COL23A1: variants seen among roughly 807,000 people sequenced by gnomAD.
The protein encoded by COL23A1 is collagen alpha-1(XXIII) chain.
COL23A1 carries 97 observed loss-of-function variants against 99.3 expected under a neutral mutation model. That is an observed-to-expected ratio of 0.98 (90% CI 0.83 to 1.16). The LOEUF is 1.16. Ranked by LOEUF, COL23A1 falls within the 50% of genes most tolerant of loss-of-function variation. The pLI is 0.00. For synonymous variants in COL23A1, 320 were observed against 308.2 expected, an observed-to-expected ratio of 1.04 and a Z score of -0.40; for missense variants, 762 against 757.4, an observed-to-expected ratio of 1.01 and a Z score of -0.07.
intron 12 of COL23A1, 71 bp downstream of exon 12, chr5:178,259,650 C>A (rs540290574): frequency 1.5e-6 from 2 of 1,332,448 alleles, no homozygotes; most frequent in African/African-American, 1.5e-5. Context: ...CCCATTCCGT[C>A]CCAGCCCCTG....
chr5:178,345,928 G>C (rs1760944909), intron 2 of COL23A1, among the ~76,000 whole-genome samples: 1 of 152,110 alleles, frequency 6.6e-6, no homozygotes, highest in Admixed American at 6.5e-5. Flanking sequence ...GACACTGCAA[G>C]TTCACACCCT....
chr5:178,502,007 T>C (rs1758562683), intron 2 of COL23A1, among the ~76,000 whole-genome samples: 1 of 152,212 alleles, frequency 6.6e-6, no homozygotes, highest in Non-Finnish European at 1.5e-5. Flanking sequence ...ACCGACAATC[T>C]GATAGGGAAT....
In COL23A1 at chr5:178,325,995, G is replaced by A. The variant is rs537365768; in HGVS notation, c.362-19076C>T. ...GCCAGGGCTGTTGGAAACCACTTGA[G>A]TGGATCTAGCCCTAGTAAACGGCTC... On this transcript the variant is annotated intron_variant, in intron 2 of 28. Transcript: ENST00000390654. Among the ~76,000 whole-genome samples the A allele has an allele frequency of 4.6e-5, 7 of 152,338 alleles. No homozygotes were observed. In the East Asian group the frequency reaches 9.7e-4, roughly 21 times the overall value.
chr5:178,393,652 C>CTTT lies in COL23A1; in HGVS notation c.362-86736_362-86734dup, dbSNP rs36102461. ...AATCAAGACTCTCTTCCCTCTTTTC[C>CTTT]TTTTTTTTTTTTTTCCAGACAGGGT... is the stretch of plus-strand genomic sequence containing the variant. On this transcript the variant is annotated intron_variant, in intron 2 of 28. Coordinates refer to ENST00000390654, the MANE Select transcript of COL23A1 (RefSeq NM_173465.4). 2.3e-3 allele frequency among the ~76,000 whole-genome samples: 325 copies of CTTT among 143,268 alleles called. 3 individuals are homozygous for CTTT. Among genetic ancestry groups the CTTT allele is most frequent in the African/African-American group, 7.9e-3 (302 of 38,338 alleles). 94.0% of individuals were successfully genotyped at this position (143,268 alleles called of 152,430 possible).
intron 2 of COL23A1, among the ~76,000 whole-genome samples, chr5:178,423,811 C>T (rs1309404583): frequency 6.6e-6 from 1 of 152,084 alleles, no homozygotes; most frequent in Admixed American, 6.5e-5. Flanking sequence ...GCCTGGATCC[C>T]GGCCTGCCCA....
chr5:178,584,700 A>G (rs996853367), intron 1 of COL23A1, among the ~76,000 whole-genome samples: 2 of 152,178 alleles, frequency 1.3e-5, no homozygotes, highest in African/African-American at 4.8e-5. Flanking sequence ...ACAGTCAGAT[A>G]TGGCTGCTAA....
chr5:178,321,800 CT>C lies in COL23A1; in HGVS notation c.362-14882del, dbSNP rs370488992. Among the ~76,000 whole-genome samples the C allele has an allele frequency of 2.2e-3, 330 of 149,854 alleles. 5 individuals are homozygous for C. Among genetic ancestry groups the C allele is most frequent in the African/African-American group, 7.6e-3 (310 of 40,796 alleles). The stretch of plus-strand genomic sequence containing the variant: ...CACCGCGCCCGGCCCCGTAGCCTTC[CT>C]TTTTAAGGCTGAATCATACTCTGTT... On this transcript the variant is annotated intron_variant, in intron 2 of 28. Transcript: ENST00000390654.
intron 2 of COL23A1, among the ~76,000 whole-genome samples, chr5:178,450,853 G>A (rs1767447343): frequency 6.6e-6 from 1 of 152,186 alleles, no homozygotes. Flanking sequence ...ACGTTATCAT[G>A]AACTGCAGAC....
chr5:178,249,712 ACACACTCTCTCT>A (rs1361628546), intron 18 of COL23A1, among the ~76,000 whole-genome samples: 51 of 90,640 alleles, frequency 5.6e-4, no homozygotes, highest in South Asian at 4.9e-3. Flanking sequence ...ACACACACAC[ACACACTCTCTCT>A]CTCTCTCTCT....
chr5:178,359,385 G>T (rs1016689148), intron 2 of COL23A1, among the ~76,000 whole-genome samples: 4 of 152,200 alleles, frequency 2.6e-5, no homozygotes, highest in Admixed American at 2.6e-4. Context: ...AAAATTAGCT[G>T]GATGTGGTGG....
At chr5:178,431,626 G>A (rs1405397592) in intron 2 of COL23A1, among the ~76,000 whole-genome samples, 2 of 152,240 alleles carry the variant, frequency 1.3e-5, no homozygotes, top group South Asian at 2.1e-4. Flanking sequence ...GCCAAGGAAC[G>A]CTGGCAGCGG....
In COL23A1 at chr5:178,249,714, A is replaced by ACACACT. The variant is rs1285035339; in HGVS notation, c.1059+346_1059+347insAGTGTG. On this transcript the variant is annotated intron_variant, in intron 18 of 28. Coordinates refer to ENST00000390654, the MANE Select transcript of COL23A1 (RefSeq NM_173465.4). ...CACACACACACACACACACACACAC[A>ACACACT]CACTCTCTCTCTCTCTCTCTCTCTC... Among the ~76,000 whole-genome samples, 614 of 115,884 alleles carry ACACACT rather than the reference A, an allele frequency of 5.3e-3. 3 individuals carry two copies. The highest frequency in any genetic ancestry group is 0.01 in the South Asian group (33 of 3,216). 76.0% of individuals were successfully genotyped at this position (115,884 alleles called of 152,430 possible). A position where few individuals can be genotyped will look rare whatever the true frequency, so the allele number is the denominator to read the frequency against.
chr5:178,436,623 T>A (rs1250034296), intron 2 of COL23A1, among the ~76,000 whole-genome samples: 1 of 152,214 alleles, frequency 6.6e-6, no homozygotes, highest in Non-Finnish European at 1.5e-5. Flanking sequence ...GAGGTGCTGC[T>A]TCCCTGTGGC....
intron 2 of COL23A1, among the ~76,000 whole-genome samples, chr5:178,408,624 G>A (rs1764881040): frequency 6.6e-6 from 1 of 151,900 alleles, no homozygotes; most frequent in African/African-American, 2.4e-5. Context: ...TAGTTTGGGA[G>A]TTTCTTAAAA....
intron 2 of COL23A1, among the ~76,000 whole-genome samples, chr5:178,501,256 T>C (rs572421034): frequency 1.3e-5 from 2 of 152,078 alleles, no homozygotes; most frequent in East Asian, 3.9e-4. Flanking sequence ...AGGAAATGAG[T>C]AACCTGGAAA....
chr5:178,585,934 T>TA (rs1236530275), intron 1 of COL23A1, among the ~76,000 whole-genome samples: 1 of 152,196 alleles, frequency 6.6e-6, no homozygotes, highest in Non-Finnish European at 1.5e-5. Context: ...CTAGTGGCTG[T>TA]AAGTCTGCCG....
rs1581446927 is a variant in COL23A1 at position 178,468,914 on chromosome 5, C to G, written c.361+91768G>C. ...CTGCACCCATTAAACACCAACTCCCCACTCCCCCCAGCCTGTGGCACCCAC... is the reference window on the plus strand; with the variant it reads ...CTGCACCCATTAAACACCAACTCCCGACTCCCCCCAGCCTGTGGCACCCAC... On this transcript the variant is annotated intron_variant, in intron 2 of 28. Coordinates refer to ENST00000390654, the MANE Select transcript of COL23A1 (RefSeq NM_173465.4). This position sits in a 1 kb window ranked among gnomAD's most constrained non-coding sequence, Gnocchi z 4.2. Among the ~76,000 whole-genome samples, 1 of 152,256 alleles carries G rather than the reference C, an allele frequency of 6.6e-6. No individual in the cohort carries two copies. The highest frequency in any genetic ancestry group is 1.9e-4 in the East Asian group (1 of 5,164).
At chr5:178,324,213 A>G (rs1204918294) in intron 2 of COL23A1, among the ~76,000 whole-genome samples, 1 of 152,076 alleles carries the variant, frequency 6.6e-6, no homozygotes, top group Non-Finnish European at 1.5e-5. Context: ...TTTCAGATTC[A>G]GTGGGGCTGG....
chr5:178,266,292 C>T (rs1433932665), intron 8 of COL23A1, among the ~76,000 whole-genome samples: 2 of 152,072 alleles, frequency 1.3e-5, no homozygotes, highest in East Asian at 1.9e-4. Context: ...CCACCTGCCT[C>T]GACCTCCCAA....
Sources: allele counts gnomAD v4.1 joint callset (sites outside exome capture counted in the v4.1 genomes callset), GRCh38; gene constraint gnomAD v4.1.1; non-coding constraint Gnocchi (gnomAD v3.1); transcripts MANE v1.5; gene names NCBI Gene and HGNC (gene_info 2026-07-23, HGNC 2026-07-21).